The following KDM4C variants were observed in gnomAD, a reference collection of about 807,000 sequenced individuals.
The protein encoded by KDM4C is lysine demethylase 4C.
Under a neutral mutation model 129.3 loss-of-function variants are expected in KDM4C, and 81 were observed. The observed-to-expected ratio is 0.63, with a 90% CI of 0.52 to 0.75. The LOEUF (loss-of-function observed/expected upper bound fraction) is 0.75, where lower values mean the gene tolerates loss of function less well. Among genes scored for constraint, KDM4C ranks in the 30% least tolerant of loss-of-function variants. The probability of loss-of-function intolerance (pLI) is 0.00; values close to 1 mark genes in which losing one functional copy is unlikely to be tolerated. For synonymous variants in KDM4C, 573 were observed against 456.1 expected, an observed-to-expected ratio of 1.26 and a Z score of -3.26; for missense variants, 1,457 against 1,304.0, an observed-to-expected ratio of 1.12 and a Z score of -1.81.
chr9:7,160,464 T>C (rs755913706), intron 19 of KDM4C, among the ~76,000 whole-genome samples: 17 of 152,300 alleles, frequency 1.1e-4, no homozygotes, highest in Non-Finnish European at 1.5e-4. Context: ...ATCTTTGTGG[T>C]TTTATCTACC....
At chr9:6,978,454 C>G (rs1161921908) in intron 8 of KDM4C, among the ~76,000 whole-genome samples, 1 of 152,036 alleles carries the variant, frequency 6.6e-6, no homozygotes, top group Non-Finnish European at 1.5e-5. Context: ...TGATTTAATC[C>G]TCAAGTAACA....
At chr9:6,725,343 T>C (rs1158910398) in intron 1 of KDM4C, among the ~76,000 whole-genome samples, 2 of 151,890 alleles carry the variant, frequency 1.3e-5, no homozygotes, top group Non-Finnish European at 2.9e-5. Flanking sequence ...TGTGTGTCTT[T>C]CTCTGTTTCC....
intron 4 of KDM4C, among the ~76,000 whole-genome samples, chr9:6,833,226 A>G (rs1007999661): frequency 6.6e-6 from 1 of 152,096 alleles, no homozygotes; most frequent in African/African-American, 2.4e-5. Flanking sequence ...AATAAAATTA[A>G]TATTTCTATT....
At chr9:6,864,570 A>G (rs1841571482) in intron 5 of KDM4C, among the ~76,000 whole-genome samples, 1 of 152,028 alleles carries the variant, frequency 6.6e-6, no homozygotes, top group Admixed American at 6.6e-5. Context: ...TCCCAGTTTC[A>G]AGCAATTCTG....
At chr9:7,081,131 T>G (rs1025120374) in intron 17 of KDM4C, among the ~76,000 whole-genome samples, 1 of 152,182 alleles carries the variant, frequency 6.6e-6, no homozygotes, top group Non-Finnish European at 1.5e-5. Flanking sequence ...TAACTGATCT[T>G]CCTGTAAGAA....
chr9:6,776,464 A>C (rs113725984), intron 1 of KDM4C, among the ~76,000 whole-genome samples: 336 of 151,942 alleles, frequency 2.2e-3, no homozygotes, highest in African/African-American at 7.8e-3. Flanking sequence ...AGTTTCCACC[A>C]TGTTGGCCAG....
At chr9:6,887,016 CA>C (rs1563760995) in intron 6 of KDM4C, among the ~76,000 whole-genome samples, 1 of 152,198 alleles carries the variant, frequency 6.6e-6, no homozygotes, top group African/African-American at 2.4e-5. Context: ...GTGGAGGAGT[CA>C]GACAGCATCT....
At position 6,933,973 on chromosome 9, in the gene KDM4C, C is replaced by T. The variant is rs565616738; in HGVS notation, c.921+40741C>T. On this transcript the variant is annotated intron_variant, in intron 8 of 21. Transcript: ENST00000381309. ...CAAGTGATTCTCCTGCCATAGCCTC[C>T]TGTGTAGCTGGAATTATAGGTGTGC... Among the ~76,000 whole-genome samples, 5 of 152,104 alleles carry T rather than the reference C, an allele frequency of 3.3e-5. No individual in the cohort carries two copies. In the South Asian group the frequency reaches 1.0e-3, roughly 32 times the overall value.
intron 17 of KDM4C, among the ~76,000 whole-genome samples, chr9:7,095,211 C>T (rs745835565): frequency 4.6e-5 from 7 of 152,188 alleles, no homozygotes; most frequent in Non-Finnish European, 4.4e-5. Context: ...CACCCCGGTC[C>T]TCATAAATGC....
chr9:7,010,919 C>T (rs1251268717), intron 12 of KDM4C, among the ~76,000 whole-genome samples: 1 of 152,050 alleles, frequency 6.6e-6, no homozygotes, highest in East Asian at 1.9e-4. Context: ...TGGTGGGTGG[C>T]TGTAATCCTA....
At chr9:6,796,226 C>G (rs933880459) in intron 2 of KDM4C, among the ~76,000 whole-genome samples, 1 of 152,144 alleles carries the variant, frequency 6.6e-6, no homozygotes, top group African/African-American at 2.4e-5. Flanking sequence ...GGGTGGATCA[C>G]TTGAGGTCAG....
chr9:6,814,817 T>TATGAGATTAATATAATTTAAGC, intron 4 of KDM4C, 72 bp downstream of exon 4: 1 of 926,604 alleles, frequency 1.1e-6, no homozygotes, highest in East Asian at 2.7e-5. Context: ...TTAAGCAGTT[T>TATGAGATTAATATAATTTAAGC]AGAAGTGTTC....
chr9:6,960,027 A>C (rs1334021741), intron 8 of KDM4C, among the ~76,000 whole-genome samples: 1 of 151,810 alleles, frequency 6.6e-6, no homozygotes, highest in Non-Finnish European at 1.5e-5. Flanking sequence ...GAAACGATTA[A>C]AGTAATCCTC....
At chr9:7,066,645 G>T (rs1230682851) in intron 17 of KDM4C, among the ~76,000 whole-genome samples, 1 of 152,078 alleles carries the variant, frequency 6.6e-6, no homozygotes, top group East Asian at 1.9e-4. Flanking sequence ...AAATTATTCA[G>T]AGCTCAGAGG....
intron 15 of KDM4C, among the ~76,000 whole-genome samples, chr9:7,040,311 C>G (rs1828339031): frequency 6.6e-6 from 1 of 151,060 alleles, no homozygotes; most frequent in Non-Finnish European, 1.5e-5. Flanking sequence ...CCCTCCCTCC[C>G]TCTGTCTCTC....
chr9:7,072,896 C>T (rs748827281), intron 17 of KDM4C, among the ~76,000 whole-genome samples: 5 of 152,032 alleles, frequency 3.3e-5, no homozygotes, highest in Non-Finnish European at 5.9e-5. Flanking sequence ...ATTGTGTAAT[C>T]ATCAAAACCA....
intron 1 of KDM4C, among the ~76,000 whole-genome samples, chr9:6,732,141 C>T (rs527960127): frequency 1.2e-4 from 18 of 151,130 alleles, no homozygotes; most frequent in East Asian, 3.9e-4. Flanking sequence ...CCAAGGTGGG[C>T]GGATCACGAG....
At chr9:6,786,901 TG>T (rs1825613136) in intron 1 of KDM4C, among the ~76,000 whole-genome samples, 1 of 152,232 alleles carries the variant, frequency 6.6e-6, no homozygotes, top group Non-Finnish European at 1.5e-5. Flanking sequence ...CATACTTTTT[TG>T]CCCATCATAT....
At chr9:7,161,272 C>T (rs1843756923) in intron 19 of KDM4C, among the ~76,000 whole-genome samples, 1 of 152,216 alleles carries the variant, frequency 6.6e-6, no homozygotes, top group South Asian at 2.1e-4. Context: ...AATCCCCTGA[C>T]TCCTTGTACT....
Sources: allele counts gnomAD v4.1 joint callset (sites outside exome capture counted in the v4.1 genomes callset), GRCh38; gene constraint gnomAD v4.1.1; transcripts MANE v1.5; gene names NCBI Gene and HGNC (gene_info 2026-07-23, HGNC 2026-07-21).